SEMA4D: variants seen among roughly 807,000 people sequenced by gnomAD.
The protein encoded by SEMA4D is semaphorin-4D.
A neutral mutation model predicts 74.8 loss-of-function variants in SEMA4D; 22 were observed. That is an observed-to-expected ratio of 0.29 (90% CI 0.21 to 0.42). SEMA4D has a LOEUF of 0.42. SEMA4D is among the 10% of genes least tolerant of loss of function. The pLI is 1.00. For synonymous variants in SEMA4D, 445 were observed against 463.7 expected (o/e 0.96, Z 0.52); for missense variants, 937 against 1,118.4 (o/e 0.84, Z 2.31).
chr9:89,454,234 C>T (rs1262735315), intron 2 of SEMA4D, among the ~76,000 whole-genome samples: 1 of 152,190 alleles, frequency 6.6e-6, no homozygotes, highest in Non-Finnish European at 1.5e-5. Flanking sequence ...CACAACCCGG[C>T]TTTCTAAAGG....
intron 2 of SEMA4D, among the ~76,000 whole-genome samples, chr9:89,414,267 A>G (rs894380417): frequency 6.6e-6 from 1 of 152,230 alleles, no homozygotes; most frequent in Non-Finnish European, 1.5e-5. Context: ...ATAGGCAGTC[A>G]TTACCTGGAC....
chr9:89,422,779 A>C (rs1483203196), intron 2 of SEMA4D, among the ~76,000 whole-genome samples: 1 of 152,216 alleles, frequency 6.6e-6, no homozygotes, highest in Non-Finnish European at 1.5e-5. Context: ...AGGTCTAGGC[A>C]CCACACAGAG....
intron 16 of SEMA4D, among the ~76,000 whole-genome samples, chr9:89,366,342 A>G (rs984794044): frequency 4.6e-5 from 7 of 152,202 alleles, no homozygotes; most frequent in Non-Finnish European, 7.3e-5. Context: ...CTTATAACAA[A>G]CAAGCATTGC....
At chr9:89,376,988 C>T, downstream of SEMA4D, 1 of 1,550,072 alleles carries the variant, frequency 6.5e-7, no homozygotes, top group Non-Finnish European at 8.7e-7. Context: ...CCTCCTGTCC[C>T]CCACATGGCC....
At chr9:89,494,341 T>C (rs1159888048) in intron 1 of SEMA4D, among the ~76,000 whole-genome samples, 1 of 152,108 alleles carries the variant, frequency 6.6e-6, no homozygotes, top group Non-Finnish European at 1.5e-5. Flanking sequence ...GCCCCACCCT[T>C]TGCTAACTGT....
chr9:89,400,355 C>G (rs1356658213), intron 4 of SEMA4D, among the ~76,000 whole-genome samples: 8 of 152,234 alleles, frequency 5.3e-5, no homozygotes, highest in Non-Finnish European at 1.5e-5. Context: ...CCCCAAAATG[C>G]CCCCTCTCTC....
intron 1 of SEMA4D, among the ~76,000 whole-genome samples, chr9:89,456,545 A>G (rs1320353143): frequency 6.6e-6 from 1 of 152,212 alleles, no homozygotes; most frequent in Non-Finnish European, 1.5e-5. Flanking sequence ...GAGGGCAAGG[A>G]AGAGAGAGAG....
intron 4 of SEMA4D, 26 bp downstream of exon 4, chr9:89,402,845 G>C: frequency 1.2e-6 from 2 of 1,605,172 alleles, no homozygotes; most frequent in Non-Finnish European, 1.7e-6. Flanking sequence ...GGGCTATGTG[G>C]ACATGCAGGG....
At chr9:89,415,954 A>G (rs1172117636) in intron 2 of SEMA4D, among the ~76,000 whole-genome samples, 2 of 152,206 alleles carry the variant, frequency 1.3e-5, no homozygotes, top group Admixed American at 6.5e-5. Flanking sequence ...GGGCAAAATT[A>G]CATAAAAGAC....
chr9:89,463,941 A>AAG (rs1210986845), intron 1 of SEMA4D, among the ~76,000 whole-genome samples: 1 of 151,662 alleles, frequency 6.6e-6, no homozygotes, highest in Non-Finnish European at 1.5e-5. Flanking sequence ...CTCAGACAAA[A>AAG]AAAAAAAAAG....
chr9:89,483,510 GATA>G (rs1312599150), intron 1 of SEMA4D, among the ~76,000 whole-genome samples: 2 of 152,150 alleles, frequency 1.3e-5, no homozygotes, highest in African/African-American at 2.4e-5. Flanking sequence ...TGAGAAATAA[GATA>G]ATAATACATA....
intron 4 of SEMA4D, among the ~76,000 whole-genome samples, chr9:89,400,378 T>C (rs1009103810): frequency 6.6e-6 from 1 of 152,248 alleles, no homozygotes; most frequent in Non-Finnish European, 1.5e-5. Context: ...TGATGTTCCA[T>C]AACTGATGCA....
exon 19 of SEMA4D, chr9:89,360,964 A>G (rs1832716870): frequency 6.6e-6 from 1 of 152,226 alleles, no homozygotes; most frequent in African/African-American, 2.4e-5. Context: ...AGAGACAGAA[A>G]ACAGCACCAA....
rs182585960 is a variant in SEMA4D at position 89,495,328 on chromosome 9, G to A, written c.-310+2591C>T. On this transcript the variant is annotated intron_variant, in intron 1 of 15. Transcript: ENST00000422704. ...AAGCAATTTGCTTATCCCAAGGATC[G>A]CCTTAACTAGTGCACCTAAAACACC... is the stretch of plus-strand genomic sequence containing the variant. 2.7e-4 allele frequency among the ~76,000 whole-genome samples: 41 copies of A among 152,292 alleles called. No individual in the cohort carries two copies. In the East Asian group the frequency reaches 7.3e-3, roughly 27 times the overall value.
intron 16 of SEMA4D, among the ~76,000 whole-genome samples, chr9:89,366,724 C>T (rs1833731896): frequency 6.6e-6 from 1 of 152,174 alleles, no homozygotes. Flanking sequence ...CAGGTAAAAT[C>T]TCATTTTAAG....
At chr9:89,408,383 T>C (rs747314946) in intron 2 of SEMA4D, among the ~76,000 whole-genome samples, 8 of 152,090 alleles carry the variant, frequency 5.3e-5, no homozygotes, top group Non-Finnish European at 1.0e-4. Context: ...TCAGTCCTCA[T>C]TGCATGCAAT....
chr9:89,401,215 C>T lies in SEMA4D; in HGVS notation c.252+1656G>A, dbSNP rs912885435. On this transcript the variant is annotated intron_variant, in intron 4 of 15. Transcript: ENST00000422704. Reference sequence around the variant, plus strand: ...GACTCCCAAGACCTGAGCCACCACACCTGGCTATTTTTTGCAGTTTTTGTA... The same window carrying T: ...GACTCCCAAGACCTGAGCCACCACATCTGGCTATTTTTTGCAGTTTTTGTA... 2.1e-5 allele frequency among the ~76,000 whole-genome samples: 3 copies of T among 144,710 alleles called. No homozygotes were observed. In the East Asian group the frequency reaches 5.8e-4, roughly 28 times the overall value. 94.9% of individuals were successfully genotyped at this position (144,710 alleles called of 152,430 possible). A position where few individuals can be genotyped will look rare whatever the true frequency, so the allele number is the denominator to read the frequency against.
rs1030264696 is a variant in SEMA4D at position 89,397,083 on chromosome 9, C to A, written c.316-248G>T. Among the ~76,000 whole-genome samples the A allele has an allele frequency of 3.9e-5, 6 of 152,212 alleles. No individual in the cohort carries two copies. In the South Asian group the frequency reaches 8.3e-4, roughly 21 times the overall value. On this transcript the variant is annotated intron_variant, in intron 5 of 15. Transcript: ENST00000422704. ...AAGGTTCACTGAGACCCCAACCCCA[C>A]CCCTAGGCAAACCTAAAGCTGAAAC...
intron 2 of SEMA4D, among the ~76,000 whole-genome samples, chr9:89,439,021 G>T (rs537443293): frequency 2.4e-4 from 29 of 120,144 alleles, no homozygotes; most frequent in Non-Finnish European, 4.5e-4. Context: ...TCGCTCTATC[G>T]CCCAGGCTGG....
Sources: allele counts gnomAD v4.1 joint callset (sites outside exome capture counted in the v4.1 genomes callset), GRCh38; gene constraint gnomAD v4.1.1; transcripts MANE v1.5; gene names NCBI Gene and HGNC (gene_info 2026-07-23, HGNC 2026-07-21).